PRKG1: variants seen among roughly 807,000 people sequenced by gnomAD.
The protein encoded by PRKG1 is protein kinase cGMP-dependent 1, also known as cGMP-dependent protein kinase 1.
In PRKG1, 35 loss-of-function variants were observed where a neutral mutation model predicts 88.1. The observed-to-expected ratio is 0.40, with a 90% CI of 0.30 to 0.53. PRKG1 has a LOEUF of 0.53. Among genes scored for constraint, PRKG1 ranks in the 20% least tolerant of loss-of-function variants. The pLI is 0.59. For synonymous variants in PRKG1, 303 were observed against 292.5 expected (o/e 1.04, Z -0.37); for missense variants, 540 against 839.8 (o/e 0.64, Z 4.41).
At position 51,813,343 on chromosome 10, in the gene PRKG1, C is replaced by T. The variant is rs1284456352; in HGVS notation, c.698+8653C>T. Among the ~76,000 whole-genome samples, 9 of 152,122 alleles carry T rather than the reference C, an allele frequency of 5.9e-5. No homozygotes were observed. In the South Asian group the frequency reaches 1.0e-3, roughly 18 times the overall value. On this transcript the variant is annotated intron_variant, in intron 4 of 17. Coordinates refer to ENST00000373980, the MANE Select transcript of PRKG1 (RefSeq NM_006258.4). Reference sequence around the variant, plus strand: ...AATGCCAAAACTTCAGTTACATTTGCACCAACCTAATATAATCGTAGGCAA... The same window carrying T: ...AATGCCAAAACTTCAGTTACATTTGTACCAACCTAATATAATCGTAGGCAA...
chr10:51,254,630 A>G (rs576677687), intron 2 of PRKG1, among the ~76,000 whole-genome samples: 1 of 152,164 alleles, frequency 6.6e-6, no homozygotes, highest in Admixed American at 6.6e-5. Context: ...TTGGATTTAT[A>G]CTTAATTGAG....
intron 7 of PRKG1, among the ~76,000 whole-genome samples, chr10:52,091,594 C>T (rs1847057327): frequency 6.6e-6 from 1 of 152,124 alleles, no homozygotes; most frequent in African/African-American, 2.4e-5. Flanking sequence ...AAAAGTGTCC[C>T]CTTTGACTAA....
intron 3 of PRKG1, among the ~76,000 whole-genome samples, chr10:51,523,199 C>T (rs1213890412): frequency 6.6e-6 from 1 of 152,034 alleles, no homozygotes; most frequent in Non-Finnish European, 1.5e-5. Context: ...ATCAACATGG[C>T]AACAATTCTG....
At chr10:51,340,944 G>A (rs1841990982) in intron 2 of PRKG1, among the ~76,000 whole-genome samples, 1 of 152,244 alleles carries the variant, frequency 6.6e-6, no homozygotes, top group Non-Finnish European at 1.5e-5. Context: ...AGACCTACAT[G>A]CAGCTTGTTG....
chr10:51,674,628 C>T (rs568315365), intron 3 of PRKG1, among the ~76,000 whole-genome samples: 1 of 152,216 alleles, frequency 6.6e-6, no homozygotes, highest in East Asian at 1.9e-4. Context: ...CTCAAAACTG[C>T]TCAACAGTGT....
chr10:52,208,854 G>A (rs1019902154), intron 9 of PRKG1, among the ~76,000 whole-genome samples: 1 of 151,980 alleles, frequency 6.6e-6, no homozygotes, highest in African/African-American at 2.4e-5. Flanking sequence ...AAGTTTATGT[G>A]TAGATATATT....
At chr10:52,139,398 G>A (rs762091800) in intron 8 of PRKG1, among the ~76,000 whole-genome samples, 6 of 152,098 alleles carry the variant, frequency 3.9e-5, no homozygotes, top group Non-Finnish European at 8.8e-5. Context: ...CAAGGATACA[G>A]CTTCTGATGC....
At chr10:52,287,723 C>T (rs778895278) in intron 14 of PRKG1, among the ~76,000 whole-genome samples, 4 of 142,598 alleles carry the variant, frequency 2.8e-5, no homozygotes, top group African/African-American at 5.1e-5. Context: ...AAAAAAAAAT[C>T]AACAGATCTG....
At chr10:51,216,737 G>A (rs1350893931) in intron 2 of PRKG1, among the ~76,000 whole-genome samples, 3 of 152,148 alleles carry the variant, frequency 2.0e-5, no homozygotes, top group Non-Finnish European at 4.4e-5. Context: ...GAATGGAAAG[G>A]TAGGAATTCT....
At chr10:50,999,449 A>G (rs761138781) in intron 1 of PRKG1, among the ~76,000 whole-genome samples, 12 of 152,208 alleles carry the variant, frequency 7.9e-5, no homozygotes, top group East Asian at 1.9e-4. Context: ...CACTTCTTCA[A>G]TTATCCTCTC....
In PRKG1 at chr10:52,283,261, T is replaced by C. The variant is rs147587044; in HGVS notation, c.1709+945T>C. Among the ~76,000 whole-genome samples, 29 of 152,142 alleles carry C rather than the reference T, an allele frequency of 1.9e-4. No individual in the cohort carries two copies. The East Asian group carries it at 5.4e-3, about 28-fold the overall frequency. On this transcript the variant is annotated intron_variant, in intron 14 of 17. Transcript: ENST00000373980. ...AATAGGAAGCTAGTTTGAAGATTGT[T>C]GCAGTAATTTAGTTCTAGGACACTG...
chr10:52,125,428 A>G (rs993446738), intron 7 of PRKG1, among the ~76,000 whole-genome samples: 8 of 152,174 alleles, frequency 5.3e-5, no homozygotes, highest in African/African-American at 1.9e-4. Context: ...TAATTGCTGA[A>G]TGAGATCCTC....
intron 2 of PRKG1, among the ~76,000 whole-genome samples, chr10:51,440,069 G>A (rs578112918): frequency 3.2e-4 from 48 of 151,980 alleles, no homozygotes; most frequent in African/African-American, 9.4e-4. Flanking sequence ...CTGAAGCCAC[G>A]GAAAATTAAA....
intron 9 of PRKG1, among the ~76,000 whole-genome samples, chr10:52,181,040 C>A (rs1273343307): frequency 6.6e-6 from 1 of 152,178 alleles, no homozygotes; most frequent in South Asian, 2.1e-4. Flanking sequence ...GTGTGTCTAT[C>A]AGGGGCAGCC....
intron 2 of PRKG1, among the ~76,000 whole-genome samples, chr10:51,224,386 T>C (rs540156781): frequency 6.6e-6 from 1 of 152,352 alleles, no homozygotes; most frequent in African/African-American, 2.4e-5. Context: ...CTTGTTCCCA[T>C]CCTATTCTCT....
chr10:51,547,987 CA>C (rs999737097), intron 3 of PRKG1, among the ~76,000 whole-genome samples: 6 of 151,848 alleles, frequency 4.0e-5, no homozygotes, highest in Non-Finnish European at 2.9e-5. Flanking sequence ...TTTCCCAGAC[CA>C]AAAATAAGAG....
At chr10:51,130,625 A>T (rs543875105) in intron 1 of PRKG1, among the ~76,000 whole-genome samples, 1 of 152,134 alleles carries the variant, frequency 6.6e-6, no homozygotes, top group African/African-American at 2.4e-5. Flanking sequence ...CTGGTTGAAC[A>T]ATAAAATATA....
intron 5 of PRKG1, among the ~76,000 whole-genome samples, chr10:52,044,781 A>G (rs1845826456): frequency 6.6e-6 from 1 of 152,170 alleles, no homozygotes; most frequent in Non-Finnish European, 1.5e-5. Flanking sequence ...TGGATTGCAT[A>G]GAACAAGGGA....
intron 2 of PRKG1, among the ~76,000 whole-genome samples, chr10:51,410,190 A>G (rs2132685554): frequency 6.6e-6 from 1 of 151,910 alleles, no homozygotes; most frequent in Non-Finnish European, 1.5e-5. Flanking sequence ...TACTAATAGG[A>G]TCAATATTTA....
Sources: gnomAD v4.1 joint callset for allele counts (sites outside exome capture counted in the v4.1 genomes callset) on GRCh38, gnomAD v4.1.1 for gene constraint, MANE v1.5 for transcripts, NCBI Gene and HGNC (gene_info 2026-07-23, HGNC 2026-07-21) for gene names.